ZNHIT6: variants seen among roughly 807,000 people sequenced by gnomAD.
ZNHIT6 encodes the protein zinc finger HIT-type containing 6.
In ZNHIT6, 45 loss-of-function variants were observed where a neutral mutation model predicts 57.2. The ratio of observed to expected loss-of-function variants is 0.79; its 90% CI spans 0.62 to 1.01. The LOEUF (loss-of-function observed/expected upper bound fraction) is 1.01, where lower values mean the gene tolerates loss of function less well. Ranked by LOEUF, ZNHIT6 falls within the 50% of genes least tolerant of loss-of-function variation. The probability of loss-of-function intolerance (pLI) is 0.00; values close to 1 mark genes in which losing one functional copy is unlikely to be tolerated. For missense variants in ZNHIT6, 528 were observed against 567.3 expected, an observed-to-expected ratio of 0.93 and a Z score of 0.70; for synonymous variants, 188 against 190.0, an observed-to-expected ratio of 0.99 and a Z score of 0.09.
chr1:85,702,995 A>G, intron 4 of ZNHIT6, among the ~76,000 whole-genome samples: 1 of 152,208 alleles, frequency 6.6e-6, no homozygotes, highest in East Asian at 1.9e-4. Flanking sequence ...TTGCAATGTA[A>G]ACAGTCAGAA....
chr1:85,654,124 G>A (rs748029261), intron 9 of ZNHIT6, 26 bp from the exon 10 acceptor site: 1 of 1,600,156 alleles, frequency 6.2e-7, no homozygotes, highest in Non-Finnish European at 8.5e-7. Context: ...TAAACATACA[G>A]TCAAGTGTTT....
chr1:85,664,090 A>G (rs1661299763), intron 8 of ZNHIT6, among the ~76,000 whole-genome samples: 1 of 152,120 alleles, frequency 6.6e-6, no homozygotes, highest in Admixed American at 6.6e-5. Flanking sequence ...TTTGACTGTT[A>G]ACCTATCTAG....
chr1:85,701,675 G>A (rs897460550), intron 5 of ZNHIT6, among the ~76,000 whole-genome samples: 4 of 152,116 alleles, frequency 2.6e-5, no homozygotes, highest in Admixed American at 1.3e-4. Flanking sequence ...GTTTTTACTC[G>A]TTTTGTCCTG....
At chr1:85,704,069 C>A (rs1395901702) in intron 4 of ZNHIT6, among the ~76,000 whole-genome samples, 1 of 152,156 alleles carries the variant, frequency 6.6e-6, no homozygotes, top group Non-Finnish European at 1.5e-5. Flanking sequence ...TTTAAAACCA[C>A]AATAAAATTA....
At chr1:85,704,660 T>C (rs985663238) in intron 4 of ZNHIT6, among the ~76,000 whole-genome samples, 1 of 152,186 alleles carries the variant, frequency 6.6e-6, no homozygotes, top group African/African-American at 2.4e-5. Flanking sequence ...ATTTTAATTA[T>C]GCCTAATTAA....
chr1:85,708,222 C>T lies in ZNHIT6; in HGVS notation c.63G>A (p.Gly21=), dbSNP rs143599807. 2.5e-5 allele frequency: 40 copies of T among 1,613,686 alleles called. No individual in the cohort carries two copies. The African/African-American group carries it at 5.2e-4, about 21-fold the overall frequency. ...TGCCAGGCTCTGGACTTAGCCGCAC[C>T]CCCTCAGCTACGCTGTGGAGACCTC... ...SGGGLHSVAE[G]VRLSPEPGRE... The change falls in exon 1 of 10, where the codon GGG becomes GGA. Residue 21 remains glycine, a synonymous_variant. Coordinates refer to ENST00000370574, the MANE Select transcript of ZNHIT6 (RefSeq NM_017953.4).
In ZNHIT6 at chr1:85,708,391, A is replaced by G. The variant is rs1414046634; in HGVS notation, c.-107T>C. 3 of 1,387,246 alleles carry G rather than the reference A, an allele frequency of 2.2e-6. No individual in the cohort carries two copies. Among genetic ancestry groups the G allele is most frequent in the African/African-American group, 1.4e-5 (1 of 69,548 alleles). 85.9% of individuals were successfully genotyped at this position (1,387,246 alleles called of 1,614,324 possible). ...AATACCTACGGCGGCCCACGTGTGGAGCCAAGCAGCCACAAACCCGGAATA... is the reference window on the plus strand; with the variant it reads ...AATACCTACGGCGGCCCACGTGTGGGGCCAAGCAGCCACAAACCCGGAATA... On this transcript the variant is annotated 5_prime_UTR_variant, in exon 1 of 10. Coordinates refer to ENST00000370574, the MANE Select transcript of ZNHIT6 (RefSeq NM_017953.4).
In ZNHIT6 at chr1:85,657,938, TAGG is replaced by T; in HGVS notation, c.1278_1280del (p.Leu427del). 1.3e-6 allele frequency: 2 copies of T among 1,574,314 alleles called. No individual in the cohort carries two copies. Among genetic ancestry groups the T allele is most frequent in the Non-Finnish European group, 1.7e-6 (2 of 1,149,414 alleles). On this transcript the variant is annotated inframe_deletion, in exon 9 of 10. Coordinates refer to ENST00000370574, the MANE Select transcript of ZNHIT6 (RefSeq NM_017953.4). ...TGATCACTTTGTTCCTCAAATTGTC[TAGG>T]AGACTTTTATAAGGATCTAGTTCAT...
In ZNHIT6 at chr1:85,706,297, T is replaced by C; in HGVS notation, c.781A>G (p.Thr261Ala). ...AACTGTTGTATTGAAATGTATGCAGTTTTATCTCGAACTCCATTACATGTC... is the reference window on the plus strand; with the variant it reads ...AACTGTTGTATTGAAATGTATGCAGCTTTATCTCGAACTCCATTACATGTC... Reference protein sequence around the residue: ...ELTCNGVRDKTAYISIQQFTE... With the variant: ...ELTCNGVRDKAAYISIQQFTE... Residue 261 changes from threonine (T) to alanine (A), a missense_variant, in exon 3 of 10, where the codon ACT becomes GCT. Thr to Ala is a moderately conservative substitution (Grantham distance 58). Transcript: ENST00000370574. The C allele has an allele frequency of 1.2e-6, 2 of 1,613,142 alleles. No homozygotes were observed. The highest frequency in any genetic ancestry group is 2.2e-5 in the South Asian group (2 of 90,932).
In ZNHIT6 at chr1:85,650,319, AG is replaced by A. The variant is rs1341006236; in HGVS notation, c.*3738del. On this transcript the variant is annotated 3_prime_UTR_variant, in exon 10 of 10. Coordinates refer to ENST00000370574, the MANE Select transcript of ZNHIT6 (RefSeq NM_017953.4). ...CTCATCCCATACAGAATATCCCCAA[AG>A]GGAAAATCTGAAAAGAAAACCAATC... The A allele has an allele frequency of 2.0e-5, 3 of 152,244 alleles. No homozygotes were observed. Among genetic ancestry groups the A allele is most frequent in the Non-Finnish European group, 4.4e-5 (3 of 68,060 alleles). 9.4% of individuals were successfully genotyped at this position (152,244 alleles called of 1,614,324 possible).
In ZNHIT6 at chr1:85,652,854, A is replaced by T. The variant is rs1163269448; in HGVS notation, c.*1204T>A. ...TCTCTTACAGTCATATTGCAGTTTC[A>T]CAGTGGTATAAACTCCAATAAAATT... On this transcript the variant is annotated 3_prime_UTR_variant, in exon 10 of 10. Coordinates refer to ENST00000370574, the MANE Select transcript of ZNHIT6 (RefSeq NM_017953.4). 3 of 152,218 alleles carry T rather than the reference A, an allele frequency of 2.0e-5. No individual in the cohort carries two copies. The highest frequency in any genetic ancestry group is 4.4e-5 in the Non-Finnish European group (3 of 68,044). The allele number at this position is 152,218 out of a possible 1,614,324, so 9.4% of individuals were successfully genotyped here. A position where few individuals can be genotyped will look rare whatever the true frequency, so the allele number is the denominator to read the frequency against.
intron 6 of ZNHIT6, among the ~76,000 whole-genome samples, chr1:85,679,786 T>C (rs887159446): frequency 5.3e-5 from 8 of 152,132 alleles, no homozygotes; most frequent in Admixed American, 1.3e-4. Context: ...GGTTTCACCA[T>C]GTTGGCCAAG....
chr1:85,687,299 C>CAAAAAAAAAAA (rs55889012), intron 5 of ZNHIT6, among the ~76,000 whole-genome samples: 1 of 77,936 alleles, frequency 1.3e-5, no homozygotes, highest in African/African-American at 4.8e-5. Flanking sequence ...AAAAAAAAAA[C>CAAAAAAAAAAA]AAAAAAAAAA....
At chr1:85,655,386 T>C (rs1033186038) in intron 9 of ZNHIT6, among the ~76,000 whole-genome samples, 8 of 152,180 alleles carry the variant, frequency 5.3e-5, no homozygotes, top group Admixed American at 3.3e-4. Context: ...GAGACTGATA[T>C]ATGAGTAGCT....
At chr1:85,704,102 A>T (rs932820611) in intron 4 of ZNHIT6, among the ~76,000 whole-genome samples, 15 of 152,192 alleles carry the variant, frequency 9.9e-5, no homozygotes, top group African/African-American at 3.1e-4. Flanking sequence ...ATTGACAAAA[A>T]TTTTTAAAGT....
intron 8 of ZNHIT6, among the ~76,000 whole-genome samples, chr1:85,676,401 C>T (rs976956307): frequency 1.3e-5 from 2 of 151,594 alleles, no homozygotes; most frequent in Non-Finnish European, 2.9e-5. Flanking sequence ...TGGAGTAGCA[C>T]TTTTAATTTC....
chr1:85,677,452 T>C lies in ZNHIT6; in HGVS notation c.1170-139A>G, dbSNP rs774373057. On this transcript the variant is annotated intron_variant, in intron 7 of 9. Transcript: ENST00000370574. The stretch of plus-strand genomic sequence containing the variant: ...CATAGAAAAGGAGATAAAGATGTTT[T>C]CTAACCAGAAATCTGAAAAGAAAAT... 7.6e-5 allele frequency: 44 copies of C among 582,286 alleles called. No individual in the cohort carries two copies. In the Middle Eastern group the frequency reaches 3.0e-3, roughly 40 times the overall value. 36.1% of individuals were successfully genotyped at this position (582,286 alleles called of 1,614,324 possible). A position where few individuals can be genotyped will look rare whatever the true frequency, so the allele number is the denominator to read the frequency against.
intron 8 of ZNHIT6, among the ~76,000 whole-genome samples, chr1:85,664,078 A>C (rs899621325): frequency 3.3e-5 from 5 of 152,134 alleles, no homozygotes; most frequent in Non-Finnish European, 5.9e-5. Context: ...GTATTTCCTG[A>C]ATTTGACTGT....
In ZNHIT6 at chr1:85,702,191, T is replaced by C. The variant is rs1291157160; in HGVS notation, c.985A>G (p.Lys329Glu). The C allele has an allele frequency of 6.2e-7, 1 of 1,610,904 alleles. No individual in the cohort carries two copies. The highest frequency in any genetic ancestry group is 2.2e-5 in the East Asian group (1 of 44,776). The change falls in exon 5 of 10, where the codon AAG becomes GAG. Residue 329 changes from lysine to glutamate, a missense_variant. Transcript: ENST00000370574. ...AAAAAGGTTGAATTCTCCTTCCTCT[T>C]GGTGAATCCATTGGGTAGAAGTTTT... ...NLKLLPNGFT[K>E]RKENSTFFDK... is the part of the protein sequence containing the mutation.
Sources: allele counts gnomAD v4.1 joint callset (sites outside exome capture counted in the v4.1 genomes callset), GRCh38; gene constraint gnomAD v4.1.1; transcripts MANE v1.5; gene names NCBI Gene and HGNC (gene_info 2026-07-23, HGNC 2026-07-21).